Variants in ERICH3 observed in about 807,000 individuals in gnomAD.
The protein encoded by ERICH3 is glutamate-rich protein 3.
In ERICH3, 126 loss-of-function variants were observed where a neutral mutation model predicts 131.1. The ratio of observed to expected loss-of-function variants is 0.96; its 90% CI spans 0.83 to 1.11. The LOEUF (loss-of-function observed/expected upper bound fraction) is 1.11. ERICH3 is among the 50% of genes most tolerant of loss of function. The probability of loss-of-function intolerance (pLI) is 0.00; values close to 1 mark genes in which losing one functional copy is unlikely to be tolerated. For missense variants in ERICH3, 2,050 were observed against 1,810.7 expected (o/e 1.13, Z -2.40); for synonymous variants, 695 against 644.6 (o/e 1.08, Z -1.18).
Position 74,641,370 on chromosome 1 carries a change from A to C in ERICH3, c.405T>G (p.Ser135Arg), listed in dbSNP as rs948015084. Residue 135 changes from serine (S) to arginine (R), a missense_variant, in exon 5 of 15, where the codon AGT becomes AGG. By Grantham distance (110) the Ser-to-Arg change is moderately radical. Transcript: ENST00000326665. ...PVGPKSNRGH[S>R]VLVDEGHSSP... The stretch of plus-strand genomic sequence containing the variant: ...TGGAATGTCCTTCATCAACCAGAAC[A>C]CTATGGCCACGATTACTCTTTGGGC... The C allele has an allele frequency of 1.2e-6, 2 of 1,612,938 alleles. No homozygotes were observed.
At chr1:74,614,572 G>C (rs895154864) in intron 8 of ERICH3, among the ~76,000 whole-genome samples, 3 of 151,514 alleles carry the variant, frequency 2.0e-5, no homozygotes, top group African/African-American at 7.3e-5. Flanking sequence ...AGCTACTCGG[G>C]AGGCTGAGGC....
chr1:74,599,036 AT>A (rs1647993593), intron 11 of ERICH3, among the ~76,000 whole-genome samples: 1 of 152,000 alleles, frequency 6.6e-6, no homozygotes, highest in Non-Finnish European at 1.5e-5. Flanking sequence ...ACTGAAAAAA[AT>A]AATTTCAAGA....
intron 1 of ERICH3, among the ~76,000 whole-genome samples, chr1:74,671,085 G>A (rs1324266963): frequency 2.0e-5 from 3 of 152,172 alleles, no homozygotes; most frequent in Admixed American, 2.0e-4. Flanking sequence ...CCTGTTTTCT[G>A]TTGTTTAAGA....
intron 7 of ERICH3, 110 bp downstream of exon 7, chr1:74,631,602 CA>C: frequency 1.2e-6 from 1 of 858,278 alleles, no homozygotes; most frequent in South Asian, 1.7e-5. Flanking sequence ...TCTTTACACA[CA>C]ACGTTTTGCA....
At chr1:74,629,103 G>A (rs187817455) in intron 7 of ERICH3, among the ~76,000 whole-genome samples, 5 of 152,044 alleles carry the variant, frequency 3.3e-5, no homozygotes, top group African/African-American at 4.8e-5. Context: ...CAAATACGAC[G>A]GAGTTAAAAT....
In ERICH3 at chr1:74,618,406, G is replaced by A. The variant is rs909104863; in HGVS notation, c.1000+2328C>T. Among the ~76,000 whole-genome samples, 8 of 152,112 alleles carry A rather than the reference G, an allele frequency of 5.3e-5. No homozygotes were observed. In the East Asian group the frequency reaches 1.5e-3, roughly 29 times the overall value. ...TAATAGTGCGTATGGGACAAGTGAAGCAGCTGTATTTGCCACAGCATAATG... is the reference window on the plus strand; with the variant it reads ...TAATAGTGCGTATGGGACAAGTGAAACAGCTGTATTTGCCACAGCATAATG... On this transcript the variant is annotated intron_variant, in intron 8 of 14. Coordinates refer to ENST00000326665, the MANE Select transcript of ERICH3 (RefSeq NM_001002912.5).
intron 10 of ERICH3, 100 bp from the exon 11 acceptor site, chr1:74,600,031 T>C (rs1648053919): frequency 1.3e-6 from 1 of 797,070 alleles, no homozygotes; most frequent in Admixed American, 2.7e-5. Context: ...TCCTCTCTTC[T>C]CTGAGCCTTT....
chr1:74,631,630 T>A, intron 7 of ERICH3, 83 bp downstream of exon 7: 1 of 1,185,952 alleles, frequency 8.4e-7, no homozygotes. Flanking sequence ...TTCCTCCAAA[T>A]TCTTTTACTG....
chr1:74,620,628 G>A (rs1649172108), intron 8 of ERICH3, 106 bp downstream of exon 8: 5 of 961,628 alleles, frequency 5.2e-6, no homozygotes, highest in Non-Finnish European at 3.0e-6. Context: ...CCCTGGATAT[G>A]CATAATTTCA....
chr1:74,573,044 T>C lies in ERICH3; in HGVS notation c.2666A>G (p.Asp889Gly). 3 of 1,614,186 alleles carry C rather than the reference T, an allele frequency of 1.9e-6. No individual in the cohort carries two copies. Among genetic ancestry groups the C allele is most frequent in the Non-Finnish European group, 2.5e-6 (3 of 1,180,024 alleles). Residue 889 changes from aspartate to glycine, a missense_variant, in exon 14 of 15, where the codon GAC becomes GGC. By Grantham distance (94) the Asp-to-Gly change is moderately conservative. Coordinates refer to ENST00000326665, the MANE Select transcript of ERICH3 (RefSeq NM_001002912.5). ...CTGTTCCCCTTCAGAAGCTGCTTTG[T>C]CTGTCTCAAGCACTGTGAGCATCAA... The part of the protein sequence containing the change: ...QALMLTVLET[D>G]KAASEGEQGL...
chr1:74,665,674 G>A (rs914808103), intron 1 of ERICH3, among the ~76,000 whole-genome samples: 3 of 152,104 alleles, frequency 2.0e-5, no homozygotes, highest in Non-Finnish European at 4.4e-5. Context: ...TTTGCAGATG[G>A]CCATGTTTGT....
In ERICH3 at chr1:74,569,792, C is replaced by T. The variant is rs1451397865; in HGVS notation, c.*666G>A. 2 of 151,962 alleles carry T rather than the reference C, an allele frequency of 1.3e-5. No individual in the cohort carries two copies. The highest frequency in any genetic ancestry group is 2.4e-5 in the African/African-American group (1 of 41,368). 9.4% of individuals were successfully genotyped at this position (151,962 alleles called of 1,614,324 possible). A position where few individuals can be genotyped will look rare whatever the true frequency, so the allele number is the denominator to read the frequency against. ...GAAAGCAGAACTACAGAAACACACA[C>T]AAAAAAACAAAGAGCATTTTGAAAT... On this transcript the variant is annotated 3_prime_UTR_variant, in exon 15 of 15. Transcript: ENST00000326665.
intron 1 of ERICH3, among the ~76,000 whole-genome samples, chr1:74,655,861 G>A (rs1159176270): frequency 6.6e-6 from 1 of 152,114 alleles, no homozygotes; most frequent in African/African-American, 2.4e-5. Flanking sequence ...CACAGAATGG[G>A]TAATTTATTA....
At chr1:74,608,910 T>C (rs144442146) in intron 9 of ERICH3, among the ~76,000 whole-genome samples, 1 of 152,170 alleles carries the variant, frequency 6.6e-6, no homozygotes, top group African/African-American at 2.4e-5. Context: ...GTTGTTACTT[T>C]TAGTTTATGT....
chr1:74,595,030 T>G (rs1222309762), intron 11 of ERICH3, among the ~76,000 whole-genome samples: 1 of 152,130 alleles, frequency 6.6e-6, no homozygotes, highest in Non-Finnish European at 1.5e-5. Flanking sequence ...TTTTCAATTC[T>G]AATACCATCC....
intron 12 of ERICH3, among the ~76,000 whole-genome samples, chr1:74,580,586 CA>C (rs1457252022): frequency 1.3e-5 from 2 of 152,066 alleles, no homozygotes; most frequent in Non-Finnish European, 2.9e-5. Context: ...CAATTTCCAC[CA>C]ATTCTTTCTT....
chr1:74,636,128 T>G (rs1269076707), intron 6 of ERICH3, 152 bp downstream of exon 6: 1 of 600,204 alleles, frequency 1.7e-6, no homozygotes, highest in Non-Finnish European at 2.5e-6. Flanking sequence ...TAAGACATAA[T>G]TAATCACAAG....
rs569238076 is a variant in ERICH3, at chr1:74,569,292, A to G, written c.*1166T>C. On this transcript the variant is annotated 3_prime_UTR_variant, in exon 15 of 15. Coordinates refer to ENST00000326665, the MANE Select transcript of ERICH3 (RefSeq NM_001002912.5). ...TTATAAAAGCGTCCCATGAAAATCT[A>G]ATGTATATTCTGGCTGGAAAATCAC... 1 of 152,240 alleles carries G rather than the reference A, an allele frequency of 6.6e-6. No individual in the cohort carries two copies. The highest frequency in any genetic ancestry group is 1.5e-5 in the Non-Finnish European group (1 of 67,994). The allele number at this position is 152,240 out of a possible 1,614,324, so 9.4% of individuals were successfully genotyped here.
chr1:74,643,739 A>C (rs1005967432), intron 3 of ERICH3, among the ~76,000 whole-genome samples: 1 of 152,152 alleles, frequency 6.6e-6, no homozygotes, highest in African/African-American at 2.4e-5. Context: ...GCACTGAAGC[A>C]GAGGATAATG....
Sources: gnomAD v4.1 joint callset for allele counts (sites outside exome capture counted in the v4.1 genomes callset) on GRCh38, gnomAD v4.1.1 for gene constraint, MANE v1.5 for transcripts, NCBI Gene and HGNC (gene_info 2026-07-23, HGNC 2026-07-21) for gene names.